The following PCM1 variants were observed in gnomAD, a reference collection of about 807,000 sequenced individuals.
PCM1 encodes the protein pericentriolar material 1.
In PCM1, 157 loss-of-function variants were observed where a neutral mutation model predicts 241.9. The observed-to-expected ratio is 0.65, with a 90% CI of 0.57 to 0.74. The LOEUF (loss-of-function observed/expected upper bound fraction) is 0.74, where lower values mean the gene tolerates loss of function less well. PCM1 is among the 30% of genes least tolerant of loss of function. PCM1 has a pLI of 0.00. For synonymous variants in PCM1, 1,085 were observed against 784.9 expected (o/e 1.38, Z -6.39); for missense variants, 3,478 against 2,360.1 (o/e 1.47, Z -9.81).
intron 2 of PCM1, among the ~76,000 whole-genome samples, chr8:17,935,384 C>T (rs1043894582): frequency 7.2e-5 from 11 of 152,232 alleles, no homozygotes; most frequent in Admixed American, 6.5e-4. Context: ...CTTTCCTTCT[C>T]TGTCATTCCA....
chr8:17,972,932 C>G (rs1280361619), intron 23 of PCM1, among the ~76,000 whole-genome samples: 7 of 151,908 alleles, frequency 4.6e-5, no homozygotes, highest in African/African-American at 1.7e-4. Flanking sequence ...CTTCTTAAAG[C>G]TTCAGTTTTG....
At chr8:18,010,733 AGCC>A in intron 32 of PCM1, 65 bp downstream of exon 32, 1 of 1,234,338 alleles carries the variant, frequency 8.1e-7, no homozygotes, top group Non-Finnish European at 1.1e-6. Context: ...CCGTAATCGC[AGCC>A]CTTTGGGAGG....
At chr8:18,003,681 A>G (rs2090360335) in intron 29 of PCM1, among the ~76,000 whole-genome samples, 1 of 152,156 alleles carries the variant, frequency 6.6e-6, no homozygotes, top group Non-Finnish European at 1.5e-5. Flanking sequence ...TACTGGATAA[A>G]AAGAATTTGA....
Position 18,014,531 on chromosome 8 carries a change from A to C in PCM1, c.5585-53A>C, listed in dbSNP as rs572096841. On this transcript the variant is annotated intron_variant, in intron 35 of 38. Coordinates refer to ENST00000325083, the MANE Select transcript of PCM1 (RefSeq NM_006197.4). ...TATTGTCTTTATTAGTATAATAGTAAAATTTAACATTTTTTGCATTACACT... is the reference window on the plus strand; with the variant it reads ...TATTGTCTTTATTAGTATAATAGTACAATTTAACATTTTTTGCATTACACT... The C allele has an allele frequency of 2.1e-6, 3 of 1,456,052 alleles. No homozygotes were observed. In the South Asian group the frequency reaches 4.3e-5, roughly 21 times the overall value. The allele number at this position is 1,456,052 out of a possible 1,614,324, so 90.2% of individuals were successfully genotyped here. A position where few individuals can be genotyped will look rare whatever the true frequency, so the allele number is the denominator to read the frequency against.
In PCM1 at chr8:17,958,036, T is replaced by G. The variant is rs979828727; in HGVS notation, c.2040+261T>G. Among the ~76,000 whole-genome samples, 4 of 152,332 alleles carry G rather than the reference T, an allele frequency of 2.6e-5. No individual in the cohort carries two copies. The Middle Eastern group carries it at 0.014, about 518-fold the overall frequency. On this transcript the variant is annotated intron_variant, in intron 13 of 38. Coordinates refer to ENST00000325083, the MANE Select transcript of PCM1 (RefSeq NM_006197.4). The stretch of plus-strand genomic sequence containing the variant: ...TTCACAATGCAAAAGCAGCCATACA[T>G]AATACATAAATGAGAATGATTATTT...
At chr8:17,958,232 G>A (rs1006465144) in intron 13 of PCM1, among the ~76,000 whole-genome samples, 4 of 152,056 alleles carry the variant, frequency 2.6e-5, no homozygotes, top group South Asian at 2.1e-4. Context: ...CTTAATTGCC[G>A]AAGTTTATAT....
Position 18,028,182 on chromosome 8 carries a change from T to C in PCM1, c.*520T>C. The C allele has an allele frequency of 5.2e-6, 1 of 192,168 alleles. No homozygotes were observed. The allele number at this position is 192,168 out of a possible 1,614,324, so 11.9% of individuals were successfully genotyped here. A position where few individuals can be genotyped will look rare whatever the true frequency, so the allele number is the denominator to read the frequency against. The stretch of plus-strand genomic sequence containing the variant: ...TTCTTTTAGATACCTGCAGGTCCTA[T>C]TCCTGTGCAAGAATAGGGCAGATTA... On this transcript the variant is annotated 3_prime_UTR_variant, in exon 39 of 39. Coordinates refer to ENST00000325083, the MANE Select transcript of PCM1 (RefSeq NM_006197.4).
intron 32 of PCM1, 91 bp downstream of exon 32, chr8:18,010,759 G>A (rs1338880576): frequency 1.1e-5 from 9 of 802,548 alleles, no homozygotes; most frequent in Admixed American, 2.8e-5. Flanking sequence ...AAGGCGGGTG[G>A]ATCACGAGGT....
chr8:17,924,304 A>ATGAAG (rs1458564364), intron 1 of PCM1, among the ~76,000 whole-genome samples: 4 of 152,216 alleles, frequency 2.6e-5, no homozygotes, highest in Non-Finnish European at 4.4e-5. Flanking sequence ...TTATTTTATT[A>ATGAAG]TGAAGTACAG....
At position 17,972,339 on chromosome 8, in the gene PCM1, C is replaced by A; in HGVS notation, c.3595C>A (p.Leu1199Met). Reference sequence around the variant, plus strand: ...GTTTTCATTGGTAAGGAATAAAAAACTGCCTGAAGAGGAGGTGGAAAGCAG... The same window carrying A: ...GTTTTCATTGGTAAGGAATAAAAAAATGCCTGAAGAGGAGGTGGAAAGCAG... ...IGAEKPRNKK[L>M]PEEEVESSRT... The change falls in exon 23 of 39, where the codon CTG (leucine) becomes ATG (methionine). Residue 1199 changes from leucine (L) to methionine (M), a missense_variant. Physicochemically the swap from Leu to Met is conservative, Grantham distance 15. Transcript: ENST00000325083. 6.7e-7 allele frequency: 1 copy of A among 1,495,740 alleles called. No homozygotes were observed. Among genetic ancestry groups the A allele is most frequent in the South Asian group, 1.5e-5 (1 of 68,612 alleles). 92.7% of individuals were successfully genotyped at this position (1,495,740 alleles called of 1,614,324 possible). A position where few individuals can be genotyped will look rare whatever the true frequency, so the allele number is the denominator to read the frequency against.
intron 21 of PCM1, chr8:17,969,303 T>C (rs565617541): frequency 3.3e-6 from 1 of 300,188 alleles, no homozygotes; most frequent in African/African-American, 2.2e-5. Context: ...CAGTAGAGTG[T>C]GTCACCCAGT....
At chr8:17,932,049 T>C (rs1469028835) in intron 2 of PCM1, among the ~76,000 whole-genome samples, 1 of 152,138 alleles carries the variant, frequency 6.6e-6, no homozygotes, top group Non-Finnish European at 1.5e-5. Context: ...TTCATACTGC[T>C]TTTTTACTTT....
intron 9 of PCM1, among the ~76,000 whole-genome samples, chr8:17,953,463 A>T (rs528703644): frequency 2.0e-5 from 3 of 152,178 alleles, no homozygotes; most frequent in African/African-American, 7.2e-5. Context: ...AGAGAAGGCA[A>T]CTGTTTGATA....
At chr8:17,971,209 A>G (rs1170593688) in intron 22 of PCM1, among the ~76,000 whole-genome samples, 2 of 152,214 alleles carry the variant, frequency 1.3e-5, no homozygotes, top group African/African-American at 4.8e-5. Context: ...CTCAGGTCAT[A>G]TGGAAACAGG....
At position 18,009,746 on chromosome 8, in the gene PCM1, T is replaced by C. The variant is rs1480366841; in HGVS notation, c.5160+2T>C. ...GTGATACAATCTTGTGCCAAAGAGGTAAATAACGTTCATTTTGATTTTTAG... is the reference window on the plus strand; with the variant it reads ...GTGATACAATCTTGTGCCAAAGAGGCAAATAACGTTCATTTTGATTTTTAG... On this transcript the variant is annotated splice_donor_variant, in intron 31 of 38. Transcript: ENST00000325083. LOFTEE classifies it high-confidence loss of function. 7.0e-7 allele frequency: 1 copy of C among 1,422,454 alleles called. No homozygotes were observed. 88.1% of individuals were successfully genotyped at this position (1,422,454 alleles called of 1,614,324 possible).
chr8:17,956,632 A>C lies in PCM1; in HGVS notation c.1501A>C (p.Asn501His). The change falls in exon 11 of 39, where the codon AAT becomes CAT. Residue 501 changes from asparagine to histidine, a missense_variant. Physicochemically the swap from Asn to His is moderately conservative, Grantham distance 68. Transcript: ENST00000325083. ...GTTAAATGAAGTTCGAAAGAGATTG[A>C]ATGAGCTAAGAGAATTAGTTCATTA... is the stretch of plus-strand genomic sequence containing the variant. Reference protein sequence around the residue: ...QKLNEVRKRLNELRELVHYYE... With the variant: ...QKLNEVRKRLHELRELVHYYE... 1.9e-6 allele frequency: 3 copies of C among 1,598,992 alleles called. No individual in the cohort carries two copies. The highest frequency in any genetic ancestry group is 2.6e-6 in the Non-Finnish European group (3 of 1,171,572).
intron 2 of PCM1, among the ~76,000 whole-genome samples, chr8:17,933,500 A>G (rs2059605013): frequency 2.6e-5 from 4 of 152,192 alleles, no homozygotes; most frequent in Admixed American, 6.5e-5. Context: ...CATTAAGCCA[A>G]TCTACATTTA....
In PCM1 at chr8:18,027,711, A is replaced by G. The variant is rs1461004887; in HGVS notation, c.*49A>G. ...CTCTGTCCTTACATACTCAATGCAT[A>G]TATGAAAACAATACTAAATAAACAT... On this transcript the variant is annotated 3_prime_UTR_variant, in exon 39 of 39. Transcript: ENST00000325083. 2.2e-6 allele frequency: 3 copies of G among 1,338,756 alleles called. No individual in the cohort carries two copies. Among genetic ancestry groups the G allele is most frequent in the Non-Finnish European group, 3.2e-6 (3 of 946,866 alleles). The allele number at this position is 1,338,756 out of a possible 1,614,324, so 82.9% of individuals were successfully genotyped here. A position where few individuals can be genotyped will look rare whatever the true frequency, so the allele number is the denominator to read the frequency against.
chr8:17,963,757 G>C (rs2073624554), intron 17 of PCM1, among the ~76,000 whole-genome samples: 1 of 152,106 alleles, frequency 6.6e-6, no homozygotes, highest in Non-Finnish European at 1.5e-5. Flanking sequence ...TTCTAAAAGA[G>C]TTGGTCATCT....
Sources: allele counts gnomAD v4.1 joint callset (sites outside exome capture counted in the v4.1 genomes callset), GRCh38; gene constraint gnomAD v4.1.1; transcripts MANE v1.5; gene names NCBI Gene and HGNC (gene_info 2026-07-23, HGNC 2026-07-21).